Variants in ZCWPW2 observed in about 807,000 individuals in gnomAD.
The protein encoded by ZCWPW2 is zinc finger CW-type and PWWP domain containing 2, also known as zinc finger CW-type PWWP domain protein 2.
Under a neutral mutation model 46.6 loss-of-function variants are expected in ZCWPW2, and 45 were observed. That is an observed-to-expected ratio of 0.96 (90% confidence interval 0.76 to 1.24). The LOEUF (loss-of-function observed/expected upper bound fraction) is 1.24. Among genes scored for constraint, ZCWPW2 ranks in the 50% most tolerant of loss-of-function variants. The pLI is 0.00. For missense variants in ZCWPW2, 429 were observed against 403.9 expected, an observed-to-expected ratio of 1.06 and a Z score of -0.53; for synonymous variants, 152 against 137.1, an observed-to-expected ratio of 1.11 and a Z score of -0.76.
chr3:28,481,468 C>T (rs1270234511), intron 5 of ZCWPW2, among the ~76,000 whole-genome samples: 1 of 152,160 alleles, frequency 6.6e-6, no homozygotes, highest in African/African-American at 2.4e-5. Context: ...GTCTCCAACT[C>T]CTGACCTCAG....
At chr3:28,456,743 C>G (rs995319935) in intron 4 of ZCWPW2, among the ~76,000 whole-genome samples, 1 of 151,940 alleles carries the variant, frequency 6.6e-6, no homozygotes, top group East Asian at 1.9e-4. Context: ...TGTTTTTTGT[C>G]TTTAGTTCTG....
chr3:28,357,505 A>G (rs1381968839), intron 1 of ZCWPW2, among the ~76,000 whole-genome samples: 1 of 152,086 alleles, frequency 6.6e-6, no homozygotes, highest in African/African-American at 2.4e-5. Flanking sequence ...TGCTCTCCAC[A>G]TTGTGAGTGG....
intron 4 of ZCWPW2, among the ~76,000 whole-genome samples, chr3:28,469,187 C>T (rs1698944080): frequency 6.6e-6 from 1 of 151,810 alleles, no homozygotes; most frequent in Non-Finnish European, 1.5e-5. Context: ...TATTTACAAG[C>T]CTCATGGTAA....
intron 4 of ZCWPW2, among the ~76,000 whole-genome samples, chr3:28,442,300 G>T (rs576105543): frequency 6.6e-6 from 1 of 152,128 alleles, no homozygotes; most frequent in Non-Finnish European, 1.5e-5. Flanking sequence ...GCCCCACACC[G>T]CTGGACTCCT....
chr3:28,457,878 G>T (rs1698481621), intron 4 of ZCWPW2, among the ~76,000 whole-genome samples: 1 of 152,076 alleles, frequency 6.6e-6, no homozygotes, highest in Non-Finnish European at 1.5e-5. Context: ...TATTAAAATA[G>T]ATATAAGATA....
intron 1 of ZCWPW2, among the ~76,000 whole-genome samples, chr3:28,363,868 C>G (rs929809113): frequency 1.3e-5 from 2 of 152,180 alleles, no homozygotes; most frequent in African/African-American, 4.8e-5. Flanking sequence ...CCTACTCCTT[C>G]CTCATCTAGC....
chr3:28,380,202 T>A (rs1232853189), intron 1 of ZCWPW2, among the ~76,000 whole-genome samples: 2 of 152,080 alleles, frequency 1.3e-5, no homozygotes, highest in Non-Finnish European at 2.9e-5. Context: ...GCCAGGATGG[T>A]CTCGATCTCC....
chr3:28,380,966 ATATATTTG>A (rs1559480691), intron 1 of ZCWPW2, among the ~76,000 whole-genome samples: 7,426 of 40,684 alleles, frequency 0.18, 2,478 homozygotes, highest in Non-Finnish European at 0.22. Context: ...ATATATATAT[ATATATTTG>A]GTATATATAT....
rs548933098 is a variant in ZCWPW2 at position 28,506,560 on chromosome 3, G to C, written c.658-7504G>C. Among the ~76,000 whole-genome samples the C allele has an allele frequency of 2.0e-5, 3 of 152,096 alleles. No individual in the cohort carries two copies. The South Asian group carries it at 6.2e-4, about 32-fold the overall frequency. On this transcript the variant is annotated intron_variant, in intron 6 of 9. Coordinates refer to ENST00000383768, the MANE Select transcript of ZCWPW2 (RefSeq NM_001040432.4). ...TGGCCCCAAAAAGATATATCCATCT[G>C]GAACCTTAGAATATGACCTTGTTTG...
intron 3 of ZCWPW2, among the ~76,000 whole-genome samples, chr3:28,426,748 A>G (rs1462102640): frequency 6.6e-6 from 1 of 152,106 alleles, no homozygotes; most frequent in Non-Finnish European, 1.5e-5. Context: ...CATGATTCCA[A>G]CTCATCCATT....
chr3:28,387,765 T>A (rs1399803688), intron 1 of ZCWPW2, among the ~76,000 whole-genome samples: 1 of 152,162 alleles, frequency 6.6e-6, no homozygotes, highest in Non-Finnish European at 1.5e-5. Flanking sequence ...TGGCAAAATC[T>A]TTCAGAATTG....
Position 28,521,183 on chromosome 3 carries a change from C to G in ZCWPW2, c.909+67C>G, listed in dbSNP as rs149037129. 76 of 1,493,314 alleles carry G rather than the reference C, an allele frequency of 5.1e-5. 2 individuals carry two copies. In the East Asian group the frequency reaches 1.9e-3, roughly 38 times the overall value. 92.5% of individuals were successfully genotyped at this position (1,493,314 alleles called of 1,614,324 possible). A position where few individuals can be genotyped will look rare whatever the true frequency, so the allele number is the denominator to read the frequency against. ...AATTCTTTAAACAGCAGAATTGTTC[C>G]TAGTTGTACATTTTAAATATATAAA... On this transcript the variant is annotated intron_variant, in intron 9 of 9. Coordinates refer to ENST00000383768, the MANE Select transcript of ZCWPW2 (RefSeq NM_001040432.4).
intron 8 of ZCWPW2, among the ~76,000 whole-genome samples, chr3:28,517,194 G>A (rs186237972): frequency 6.6e-6 from 1 of 152,040 alleles, no homozygotes; most frequent in African/African-American, 2.4e-5. Context: ...ATTTATTTAG[G>A]ATTTTTTTTT....
intron 4 of ZCWPW2, among the ~76,000 whole-genome samples, chr3:28,457,577 C>G (rs1432586071): frequency 6.6e-6 from 1 of 152,192 alleles, no homozygotes; most frequent in East Asian, 1.9e-4. Context: ...TATTTAATGT[C>G]TCTACCTGCA....
intron 1 of ZCWPW2, among the ~76,000 whole-genome samples, chr3:28,363,805 A>G (rs1705024342): frequency 6.6e-6 from 1 of 152,094 alleles, no homozygotes; most frequent in Non-Finnish European, 1.5e-5. Context: ...CATAGAAACC[A>G]CAATTAAACT....
At chr3:28,451,888 T>G (rs1698239501) in intron 4 of ZCWPW2, among the ~76,000 whole-genome samples, 1 of 152,192 alleles carries the variant, frequency 6.6e-6, no homozygotes, top group African/African-American at 2.4e-5. Flanking sequence ...GTTCCTACTA[T>G]CAAATAATCT....
intron 1 of ZCWPW2, among the ~76,000 whole-genome samples, chr3:28,370,040 C>A (rs1358558877): frequency 8.5e-5 from 13 of 152,204 alleles, no homozygotes; most frequent in Non-Finnish European, 1.6e-4. Context: ...ACCTGATTTT[C>A]CAGGTGCCAT....
At chr3:28,460,186 G>T (rs573476008) in intron 4 of ZCWPW2, among the ~76,000 whole-genome samples, 1 of 150,774 alleles carries the variant, frequency 6.6e-6, no homozygotes, top group Admixed American at 6.6e-5. Flanking sequence ...TTCTTCTCTA[G>T]TGCCCATTGC....
rs971776142 is a variant in ZCWPW2 at position 28,356,513 on chromosome 3, G to A, written c.-134+7310G>A. Among the ~76,000 whole-genome samples, 15 of 152,104 alleles carry A rather than the reference G, an allele frequency of 9.9e-5. No individual in the cohort carries two copies. The South Asian group carries it at 1.7e-3, about 17-fold the overall frequency. ...GCCATCCCATTACTGGGTATATACC[G>A]AAAGGATTATAAATCATGCTACTCT... On this transcript the variant is annotated intron_variant, in intron 1 of 9. Transcript: ENST00000383768.
Sources: gnomAD v4.1 joint callset for allele counts (sites outside exome capture counted in the v4.1 genomes callset) on GRCh38, gnomAD v4.1.1 for gene constraint, MANE v1.5 for transcripts, NCBI Gene and HGNC (gene_info 2026-07-23, HGNC 2026-07-21) for gene names.